Variants in MIS18BP1 observed in about 807,000 individuals in gnomAD.
MIS18BP1 encodes MIS18 binding protein 1.
MIS18BP1 carries 72 observed loss-of-function variants against 116.1 expected under a neutral mutation model. The observed-to-expected ratio is 0.62, with a 90% CI of 0.51 to 0.75. The LOEUF (loss-of-function observed/expected upper bound fraction) is 0.75. Among genes scored for constraint, MIS18BP1 ranks in the 30% least tolerant of loss-of-function variants. MIS18BP1 has a pLI of 0.00. For missense variants in MIS18BP1, 1,363 were observed against 1,303.2 expected, an observed-to-expected ratio of 1.05 and a Z score of -0.71; for synonymous variants, 386 against 427.0, an observed-to-expected ratio of 0.90 and a Z score of 1.18.
In MIS18BP1 at chr14:45,222,708, C is replaced by G. The variant is rs375411600; in HGVS notation, c.2669+1210G>C. Among the ~76,000 whole-genome samples the G allele has an allele frequency of 5.3e-5, 8 of 152,174 alleles. No homozygotes were observed. The East Asian group carries it at 9.6e-4, about 18-fold the overall frequency. On this transcript the variant is annotated intron_variant, in intron 11 of 16. Coordinates refer to ENST00000310806, the MANE Select transcript of MIS18BP1 (RefSeq NM_018353.5). ...GGACCATGTCCACATATGTACAACT[C>G]CTGGGTGGCATAGAAGTTCATAAAC...
chr14:45,208,594 A>AGTGCT (rs1203298457), intron 14 of MIS18BP1, among the ~76,000 whole-genome samples: 2 of 152,092 alleles, frequency 1.3e-5, no homozygotes, highest in Admixed American at 1.3e-4. Context: ...AGCCTCCCAA[A>AGTGCT]GTGCTGGGAT....
At chr14:45,225,673 A>G (rs954931432) in intron 10 of MIS18BP1, among the ~76,000 whole-genome samples, 14 of 152,326 alleles carry the variant, frequency 9.2e-5, no homozygotes, top group Admixed American at 9.2e-4. Flanking sequence ...ACAACCTGAG[A>G]ATCTTATATC....
At chr14:45,210,210 C>T in intron 14 of MIS18BP1, 170 bp downstream of exon 14, 2 of 613,722 alleles carry the variant, frequency 3.3e-6, no homozygotes, top group Non-Finnish European at 2.7e-6. Flanking sequence ...TATTGAATAG[C>T]ACCCCGATTT....
chr14:45,231,407 C>G lies in MIS18BP1; in HGVS notation c.1437-109G>C, dbSNP rs1023347090. ...CCCCTCACATAAAGCTCTTTCCACC[C>G]AGGCAGGGTATCTTTAATCTTACAT... On this transcript the variant is annotated intron_variant, in intron 7 of 16. Transcript: ENST00000310806. The G allele has an allele frequency of 5.4e-6, 5 of 929,756 alleles. No homozygotes were observed. In the African/African-American group the frequency reaches 8.4e-5, roughly 16 times the overall value. The allele number at this position is 929,756 out of a possible 1,614,324, so 57.6% of individuals were successfully genotyped here. A position where few individuals can be genotyped will look rare whatever the true frequency, so the allele number is the denominator to read the frequency against.
At chr14:45,244,729 C>T (rs1004583606) in intron 2 of MIS18BP1, among the ~76,000 whole-genome samples, 1 of 152,204 alleles carries the variant, frequency 6.6e-6, no homozygotes, top group Non-Finnish European at 1.5e-5. Flanking sequence ...CAAATCTCTA[C>T]CTCCTCAAAC....
intron 14 of MIS18BP1, among the ~76,000 whole-genome samples, chr14:45,208,710 A>G (rs1890594538): frequency 6.6e-6 from 1 of 152,170 alleles, no homozygotes; most frequent in Non-Finnish European, 1.5e-5. Flanking sequence ...TATTCTCAGT[A>G]TGCTTTCCCC....
At chr14:45,229,748 T>C (rs1891224573) in intron 8 of MIS18BP1, among the ~76,000 whole-genome samples, 1 of 152,120 alleles carries the variant, frequency 6.6e-6, no homozygotes, top group African/African-American at 2.4e-5. Flanking sequence ...AAGTGAGATA[T>C]ACTGTCAAGG....
chr14:45,241,870 A>C, intron 4 of MIS18BP1, 164 bp downstream of exon 4: 4 of 707,616 alleles, frequency 5.7e-6, no homozygotes, highest in Non-Finnish European at 9.1e-6. Context: ...TCACACTGTC[A>C]CTGCAGTAAA....
Position 45,231,297 on chromosome 14 carries a change from C to T in MIS18BP1, c.1438G>A (p.Ala480Thr). 6.3e-7 allele frequency: 1 copy of T among 1,576,190 alleles called. No homozygotes were observed. Among genetic ancestry groups the T allele is most frequent in the South Asian group, 1.2e-5 (1 of 84,132 alleles). The change falls in exon 8 of 17, where the codon GCT becomes ACT. Residue 480 changes from alanine to threonine, a missense_variant and splice_region_variant. Ala to Thr is a moderately conservative substitution (Grantham distance 58, BLOSUM62 0). Transcript: ENST00000310806. ...GTCTTTTCCCTGTTCTTTTCACCAG[C>T]CCTTTAAAAACAATTATTTTATTTT... ...HIDNFLEQLR[A>T]GEKNREKTKQ... is the part of the protein sequence containing the mutation.
chr14:45,252,613 T>G (rs919194466), intron 1 of MIS18BP1, among the ~76,000 whole-genome samples: 7 of 152,098 alleles, frequency 4.6e-5, no homozygotes, highest in African/African-American at 1.7e-4. Flanking sequence ...TCTAAATAAT[T>G]TTATTAACAT....
rs142622486 is a variant in MIS18BP1 at position 45,250,894 on chromosome 14, G to A, written c.-92+2141C>T. Among the ~76,000 whole-genome samples the A allele has an allele frequency of 4.5e-3, 682 of 152,144 alleles. 4 individuals are homozygous for A. Among genetic ancestry groups the A allele is most frequent in the African/African-American group, 0.016 (655 of 41,516 alleles). ...CTACTAAAAATACAAAAAATTAGCC[G>A]GGCGTGGTGACACGCGCCTGTATTC... On this transcript the variant is annotated intron_variant, in intron 1 of 16. Transcript: ENST00000310806.
At position 45,231,125 on chromosome 14, in the gene MIS18BP1, T is replaced by C. The variant is rs997938450; in HGVS notation, c.1594+16A>G. 1.2e-6 allele frequency: 2 copies of C among 1,609,414 alleles called. No individual in the cohort carries two copies. The highest frequency in any genetic ancestry group is 8.5e-7 in the Non-Finnish European group (1 of 1,177,934). ...CTTAACCACTGTACCAACAGAGAAG[T>C]AAAGACAAAACATACCCAAATTATC... On this transcript the variant is annotated intron_variant, in intron 8 of 16. Transcript: ENST00000310806.
intron 6 of MIS18BP1, among the ~76,000 whole-genome samples, chr14:45,233,828 C>T (rs1891351529): frequency 6.6e-6 from 1 of 152,146 alleles, no homozygotes; most frequent in Non-Finnish European, 1.5e-5. Flanking sequence ...TGCCTACAGA[C>T]ATCCTAGTGG....
chr14:45,246,379 T>C (rs1056279269), intron 2 of MIS18BP1, among the ~76,000 whole-genome samples: 1 of 152,210 alleles, frequency 6.6e-6, no homozygotes, highest in African/African-American at 2.4e-5. Context: ...GCTGCCTAGA[T>C]CATCCTTCCC....
At chr14:45,221,116 CAG>C (rs1310433616) in intron 11 of MIS18BP1, among the ~76,000 whole-genome samples, 2 of 151,380 alleles carry the variant, frequency 1.3e-5, no homozygotes, top group African/African-American at 4.9e-5. Flanking sequence ...GCCTGGGTGA[CAG>C]AGTGAGACTC....
At chr14:45,248,508 A>G (rs916854416) in intron 1 of MIS18BP1, among the ~76,000 whole-genome samples, 1 of 152,224 alleles carries the variant, frequency 6.6e-6, no homozygotes, top group African/African-American at 2.4e-5. Context: ...TTACTAGTCT[A>G]GATTTACAGC....
chr14:45,236,530 T>G (rs1175610314), intron 5 of MIS18BP1, among the ~76,000 whole-genome samples: 1 of 152,198 alleles, frequency 6.6e-6, no homozygotes, highest in Non-Finnish European at 1.5e-5. Flanking sequence ...AGATAAATGA[T>G]GAACACTGTC....
Position 45,247,204 on chromosome 14 carries a change from G to T in MIS18BP1, c.83C>A (p.Ala28Glu). Residue 28 changes from alanine to glutamate, a missense_variant, in exon 2 of 17, where the codon GCA becomes GAA. Physicochemically the swap from Ala to Glu is moderately radical, Grantham distance 107 (BLOSUM62 -1). Transcript: ENST00000310806. ...SSQRRNLPMD[A>E]IFFDSIPSGT... ...TGAAGGAATGCTGTCAAAAAAGATTGCATCCATGGGTAGATTTCTCCTTTG... is the reference window on the plus strand; with the variant it reads ...TGAAGGAATGCTGTCAAAAAAGATTTCATCCATGGGTAGATTTCTCCTTTG... 1 of 1,612,672 alleles carries T rather than the reference G, an allele frequency of 6.2e-7. No individual in the cohort carries two copies.
intron 4 of MIS18BP1, among the ~76,000 whole-genome samples, chr14:45,241,153 A>G (rs1891564638): frequency 6.6e-6 from 1 of 152,202 alleles, no homozygotes; most frequent in African/African-American, 2.4e-5. Context: ...CATGATCTCA[A>G]CTTGATAACC....
Sources: allele counts gnomAD v4.1 joint callset (sites outside exome capture counted in the v4.1 genomes callset), GRCh38; gene constraint gnomAD v4.1.1; transcripts MANE v1.5; gene names NCBI Gene and HGNC (gene_info 2026-07-23, HGNC 2026-07-21).